The following ALK variants were observed in gnomAD, a reference collection of about 807,000 sequenced individuals.
ALK encodes the protein ALK tyrosine kinase receptor.
In ALK, 74 loss-of-function variants were observed where a neutral mutation model predicts 163.1. The ratio of observed to expected loss-of-function variants is 0.45; its 90% confidence interval spans 0.38 to 0.55. ALK has a LOEUF of 0.55. Among genes scored for constraint, ALK ranks in the 20% least tolerant of loss-of-function variants. The pLI is 0.00. For missense variants in ALK, 2,063 were observed against 2,105.3 expected (o/e 0.98, Z 0.39); for synonymous variants, 960 against 843.2 (o/e 1.14, Z -2.40).
chr2:29,324,377 G>A (rs993560212), intron 6 of ALK, among the ~76,000 whole-genome samples: 3 of 152,118 alleles, frequency 2.0e-5, no homozygotes, highest in Non-Finnish European at 4.4e-5. Context: ...ATAGAGTCAT[G>A]GGAAAAATGC....
intron 11 of ALK, among the ~76,000 whole-genome samples, chr2:29,265,458 G>A (rs549335429): frequency 1.3e-5 from 2 of 152,316 alleles, no homozygotes; most frequent in East Asian, 1.9e-4. Flanking sequence ...AGCCAGCTGA[G>A]GGGAAAGAAA....
intron 5 of ALK, among the ~76,000 whole-genome samples, chr2:29,355,233 C>T (rs1668219429): frequency 6.6e-6 from 1 of 152,186 alleles, no homozygotes; most frequent in Non-Finnish European, 1.5e-5. Flanking sequence ...TCTTTTGATT[C>T]TACAACACCC....
intron 1 of ALK, among the ~76,000 whole-genome samples, chr2:29,834,678 G>A (rs1014617613): frequency 5.3e-5 from 8 of 152,094 alleles, no homozygotes; most frequent in African/African-American, 1.9e-4. Flanking sequence ...GTATAGAGAG[G>A]GGAGATCACA....
At chr2:29,341,875 T>C (rs1276782759) in intron 5 of ALK, among the ~76,000 whole-genome samples, 1 of 152,338 alleles carries the variant, frequency 6.6e-6, no homozygotes, top group East Asian at 1.9e-4. Flanking sequence ...AGAACCTCTT[T>C]GTATTTTTTA....
intron 1 of ALK, among the ~76,000 whole-genome samples, chr2:29,821,951 A>G (rs768774969): frequency 6.6e-6 from 1 of 151,974 alleles, no homozygotes; most frequent in Non-Finnish European, 1.5e-5. Flanking sequence ...ATTCCTTCCT[A>G]CCTATTAGAA....
chr2:29,834,817 CAG>C (rs1665514643), intron 1 of ALK, among the ~76,000 whole-genome samples: 1 of 152,148 alleles, frequency 6.6e-6, no homozygotes, highest in African/African-American at 2.4e-5. Flanking sequence ...ACAGAAAGAC[CAG>C]AGTTTCCTGA....
intron 3 of ALK, among the ~76,000 whole-genome samples, chr2:29,622,147 T>C (rs951551823): frequency 1.3e-5 from 2 of 152,178 alleles, no homozygotes; most frequent in Non-Finnish European, 2.9e-5. Context: ...GTAAATCTGA[T>C]CGTATATCAT....
intron 4 of ALK, among the ~76,000 whole-genome samples, chr2:29,513,614 A>C (rs540131299): frequency 1.8e-4 from 27 of 152,138 alleles, no homozygotes; most frequent in Admixed American, 7.9e-4. Flanking sequence ...CTAAAACACC[A>C]AAAGCAATGG....
At chr2:29,567,820 C>T (rs978716964) in intron 3 of ALK, among the ~76,000 whole-genome samples, 1 of 152,210 alleles carries the variant, frequency 6.6e-6, no homozygotes, top group Non-Finnish European at 1.5e-5. Flanking sequence ...TTTCCTGATT[C>T]ATTCTGCTAT....
intron 4 of ALK, among the ~76,000 whole-genome samples, chr2:29,487,129 G>A (rs1331360683): frequency 2.0e-5 from 3 of 152,104 alleles, no homozygotes; most frequent in African/African-American, 4.8e-5. Flanking sequence ...ATTAACAAGC[G>A]ATACTCTAAC....
At chr2:29,263,802 C>T (rs185991344) in intron 11 of ALK, among the ~76,000 whole-genome samples, 224 of 152,282 alleles carry the variant, frequency 1.5e-3, no homozygotes, top group African/African-American at 5.1e-3. Context: ...TTGACATTAT[C>T]AGGCACTGGA....
At chr2:29,583,770 T>C (rs1290282106) in intron 3 of ALK, among the ~76,000 whole-genome samples, 6 of 152,210 alleles carry the variant, frequency 3.9e-5, no homozygotes, top group Admixed American at 2.0e-4. Flanking sequence ...CCTGGGATGT[T>C]AACAGGGTAA....
intron 3 of ALK, among the ~76,000 whole-genome samples, chr2:29,553,318 C>G (rs1053946134): frequency 2.0e-5 from 3 of 152,180 alleles, no homozygotes; most frequent in Non-Finnish European, 4.4e-5. Flanking sequence ...CAGAGAGCAG[C>G]CCTCACCAGA....
At chr2:29,629,168 G>A (rs1676287186) in intron 3 of ALK, among the ~76,000 whole-genome samples, 1 of 152,180 alleles carries the variant, frequency 6.6e-6, no homozygotes, top group Admixed American at 6.5e-5. Flanking sequence ...CCTCACACAT[G>A]TAAGCACATC....
chr2:29,499,913 G>A (rs892430808), intron 4 of ALK, among the ~76,000 whole-genome samples: 1 of 152,086 alleles, frequency 6.6e-6, no homozygotes, highest in Admixed American at 6.6e-5. Flanking sequence ...CCTCCCCAGT[G>A]GTTGCTTTTC....
chr2:29,706,642 T>C (rs1052590070), intron 2 of ALK, among the ~76,000 whole-genome samples: 14 of 152,210 alleles, frequency 9.2e-5, no homozygotes, highest in South Asian at 4.1e-4. Flanking sequence ...GCAGTGTGTG[T>C]GCGCACGTGC....
chr2:29,762,340 T>A (rs766678413), intron 1 of ALK, among the ~76,000 whole-genome samples: 40 of 152,214 alleles, frequency 2.6e-4, no homozygotes, highest in Admixed American at 4.6e-4. Flanking sequence ...CTTAACATTG[T>A]TCAACTGTTT....
At chr2:29,877,534 C>T (rs72794313) in intron 1 of ALK, among the ~76,000 whole-genome samples, 14,334 of 152,276 alleles carry the variant, frequency 0.094, 1,209 homozygotes, top group East Asian at 0.22. Context: ...GTATCCCTAG[C>T]GCCTAGACCA....
chr2:29,501,135 A>T (rs1672164337), intron 4 of ALK, among the ~76,000 whole-genome samples: 1 of 151,984 alleles, frequency 6.6e-6, no homozygotes, highest in South Asian at 2.1e-4. Context: ...TCATCCTTCC[A>T]AGCCCTTCTG....
Sources: gnomAD v4.1 joint callset for allele counts (sites outside exome capture counted in the v4.1 genomes callset) on GRCh38, gnomAD v4.1.1 for gene constraint, MANE v1.5 for transcripts, NCBI Gene and HGNC (gene_info 2026-07-23, HGNC 2026-07-21) for gene names.